Variants in NLGN1 observed in about 807,000 individuals in gnomAD.
NLGN1 encodes neuroligin-1.
Under a neutral mutation model 65.5 loss-of-function variants are expected in NLGN1, and 12 were observed. The observed-to-expected ratio is 0.18, with a 90% confidence interval of 0.12 to 0.30. The LOEUF is 0.30. NLGN1 is among the 10% of genes least tolerant of loss of function. The probability of loss-of-function intolerance (pLI) is 1.00; values close to 1 mark genes in which losing one functional copy is unlikely to be tolerated. For missense variants in NLGN1, 750 were observed against 1,007.1 expected (o/e 0.74, Z 3.46); for synonymous variants, 350 against 359.5 (o/e 0.97, Z 0.30).
At chr3:174,201,376 AAAG>A (rs200477467) in intron 4 of NLGN1, among the ~76,000 whole-genome samples, 16,371 of 125,522 alleles carry the variant, frequency 0.13, 1,147 homozygotes, top group Admixed American at 0.16. Flanking sequence ...GGAAGGAAGG[AAAG>A]AAGGAAGGAA....
At chr3:174,196,879 C>T (rs1459851518) in intron 4 of NLGN1, among the ~76,000 whole-genome samples, 1 of 152,192 alleles carries the variant, frequency 6.6e-6, no homozygotes, top group African/African-American at 2.4e-5. Flanking sequence ...TACATCAACT[C>T]TGTAAGAACC....
intron 4 of NLGN1, among the ~76,000 whole-genome samples, chr3:173,913,866 C>T (rs1231603975): frequency 6.6e-6 from 1 of 152,184 alleles, no homozygotes; most frequent in Admixed American, 6.5e-5. Flanking sequence ...AAAATATAGA[C>T]TGAAAATCCA....
chr3:173,963,226 G>C (rs536769216), intron 4 of NLGN1, among the ~76,000 whole-genome samples: 1 of 152,066 alleles, frequency 6.6e-6, no homozygotes, highest in East Asian at 1.9e-4. Flanking sequence ...AGCAATGGGC[G>C]CCAGGGGGTG....
intron 4 of NLGN1, among the ~76,000 whole-genome samples, chr3:174,082,502 T>C (rs931281035): frequency 3.9e-5 from 6 of 151,950 alleles, no homozygotes; most frequent in African/African-American, 1.4e-4. Context: ...TATTCAGCCA[T>C]TAAAAATAAT....
At position 174,191,018 on chromosome 3, in the gene NLGN1, C is replaced by T. The variant is rs575051860; in HGVS notation, c.647-84297C>T. ...TAGTGTGTGCGTGTGTGTGTGTGTG[C>T]GTGTAACTTTCATTTTCCCACATGC... On this transcript the variant is annotated intron_variant, in intron 4 of 6. Coordinates refer to ENST00000457714, the Ensembl canonical transcript of NLGN1. Among the ~76,000 whole-genome samples the T allele has an allele frequency of 9.9e-5, 15 of 151,476 alleles. No homozygotes were observed. The South Asian group carries it at 1.0e-3, about 11-fold the overall frequency.
At chr3:174,125,244 A>T (rs962464526) in intron 4 of NLGN1, among the ~76,000 whole-genome samples, 1 of 152,140 alleles carries the variant, frequency 6.6e-6, no homozygotes, top group African/African-American at 2.4e-5. Context: ...TAGGTGAAGA[A>T]AAAGAAAGTA....
chr3:173,900,799 G>A (rs1304994708), intron 4 of NLGN1, among the ~76,000 whole-genome samples: 2 of 151,996 alleles, frequency 1.3e-5, no homozygotes, highest in African/African-American at 2.4e-5. Context: ...TAGAATGACA[G>A]TAAAACAATT....
chr3:173,862,856 G>A (rs1226217836), intron 4 of NLGN1, among the ~76,000 whole-genome samples: 5 of 152,064 alleles, frequency 3.3e-5, no homozygotes, highest in Admixed American at 3.3e-4. Flanking sequence ...AAGAAGCTAC[G>A]TGGGTACAGG....
chr3:173,865,361 A>T (rs566217049), intron 4 of NLGN1, among the ~76,000 whole-genome samples: 2 of 152,278 alleles, frequency 1.3e-5, no homozygotes, highest in East Asian at 3.9e-4. Context: ...TAGGAAAGAT[A>T]CATCCTCATC....
intron 3 of NLGN1, among the ~76,000 whole-genome samples, chr3:173,693,218 G>A (rs1765724750): frequency 6.6e-6 from 1 of 152,088 alleles, no homozygotes; most frequent in Admixed American, 6.5e-5. Context: ...GTGTTTTGAT[G>A]TGCACCTTCT....
At chr3:173,896,304 A>G (rs559509417) in intron 4 of NLGN1, among the ~76,000 whole-genome samples, 2 of 152,190 alleles carry the variant, frequency 1.3e-5, no homozygotes, top group East Asian at 1.9e-4. Flanking sequence ...CCCATCATAC[A>G]TAGGACCAAA....
chr3:174,208,292 G>C (rs535196690), intron 4 of NLGN1, among the ~76,000 whole-genome samples: 2 of 152,274 alleles, frequency 1.3e-5, no homozygotes, highest in South Asian at 2.1e-4. Flanking sequence ...CTTAAGAAAC[G>C]ATGTACCAAA....
chr3:173,459,662 C>T (rs1161193182), intron 2 of NLGN1, among the ~76,000 whole-genome samples: 2 of 152,000 alleles, frequency 1.3e-5, no homozygotes, highest in Admixed American at 6.6e-5. Context: ...AAATTAATGT[C>T]TAGTTAAACT....
intron 4 of NLGN1, among the ~76,000 whole-genome samples, chr3:173,926,177 A>G (rs112018297): frequency 5.3e-4 from 81 of 151,856 alleles, no homozygotes; most frequent in African/African-American, 1.7e-3. Context: ...TTCTGTTTTC[A>G]TGTTATCTAA....
chr3:173,895,917 T>C (rs1736274128), intron 4 of NLGN1, among the ~76,000 whole-genome samples: 1 of 152,098 alleles, frequency 6.6e-6, no homozygotes, highest in Admixed American at 6.6e-5. Context: ...CTCGAACTCC[T>C]GACCTCAGGT....
chr3:173,414,972 A>T (rs969826414), intron 1 of NLGN1, among the ~76,000 whole-genome samples: 1 of 152,210 alleles, frequency 6.6e-6, no homozygotes, highest in Non-Finnish European at 1.5e-5. Flanking sequence ...ATAAATTGAA[A>T]CAAGAGCCCA....
At chr3:173,814,426 C>A (rs1718613017) in intron 4 of NLGN1, among the ~76,000 whole-genome samples, 1 of 152,140 alleles carries the variant, frequency 6.6e-6, no homozygotes, top group Non-Finnish European at 1.5e-5. Flanking sequence ...AACTATTTGT[C>A]CTGTGGCGAC....
chr3:174,268,556 A>T lies in NLGN1; in HGVS notation c.647-6759A>T, dbSNP rs531257793. On this transcript the variant is annotated intron_variant, in intron 4 of 6. Transcript: ENST00000457714. ...CCTTTTTTCTAACCATTACAACCTA[A>T]ATTGGGAAGAAATTTGGTTAAAATA... Among the ~76,000 whole-genome samples, 5 of 152,138 alleles carry T rather than the reference A, an allele frequency of 3.3e-5. No homozygotes were observed. In the East Asian group the frequency reaches 9.7e-4, roughly 29 times the overall value.
At chr3:173,472,055 G>A (rs187167347) in intron 2 of NLGN1, among the ~76,000 whole-genome samples, 27 of 152,146 alleles carry the variant, frequency 1.8e-4, no homozygotes, top group African/African-American at 6.5e-4. Flanking sequence ...AAACAGTAGA[G>A]GTATCATAGC....
Sources: allele counts gnomAD v4.1 joint callset (sites outside exome capture counted in the v4.1 genomes callset), GRCh38; gene constraint gnomAD v4.1.1; transcripts MANE v1.5; gene names NCBI Gene and HGNC (gene_info 2026-07-23, HGNC 2026-07-21).